Variants in STRA8 observed in about 807,000 individuals in gnomAD.
STRA8 encodes the protein stimulated by retinoic acid gene 8 protein homolog.
STRA8 carries 18 observed loss-of-function variants against 37.1 expected under a neutral mutation model. That is an observed-to-expected ratio of 0.48 (90% CI 0.34 to 0.72). The LOEUF (loss-of-function observed/expected upper bound fraction) is 0.72. Ranked by LOEUF, STRA8 falls within the 30% of genes least tolerant of loss-of-function variation. STRA8 has a pLI of 0.01. For synonymous variants in STRA8, 168 were observed against 162.9 expected (o/e 1.03, Z -0.24); for missense variants, 357 against 410.4 (o/e 0.87, Z 1.13).
chr7:135,243,496 C>T lies in STRA8; in HGVS notation c.353+86C>T. 3.2e-6 allele frequency: 4 copies of T among 1,249,568 alleles called. 1 individual carries two copies. In the South Asian group the frequency reaches 5.3e-5, roughly 16 times the overall value. The allele number at this position is 1,249,568 out of a possible 1,614,324, so 77.4% of individuals were successfully genotyped here. ...TGTCTGGTGGCAACTCACCCTTCCT[C>T]TCCAGCCTGCAGGACCATCAGGGCT... On this transcript the variant is annotated intron_variant, in intron 4 of 8. Transcript: ENST00000662584.
intron 6 of STRA8, among the ~76,000 whole-genome samples, chr7:135,249,720 A>G (rs1832612283): frequency 6.6e-6 from 1 of 152,260 alleles, no homozygotes; most frequent in Admixed American, 6.5e-5. Flanking sequence ...GCATGACAGT[A>G]TCTACCAAAT....
intron 3 of STRA8, 78 bp downstream of exon 3, chr7:135,242,934 T>C (rs987326426): frequency 2.1e-6 from 3 of 1,455,486 alleles, no homozygotes; most frequent in Non-Finnish European, 2.9e-6. Flanking sequence ...AAACAGAAGT[T>C]GGGTTACAAT....
At chr7:135,239,376 G>T (rs1188876483) in intron 1 of STRA8, among the ~76,000 whole-genome samples, 1 of 152,204 alleles carries the variant, frequency 6.6e-6, no homozygotes, top group Non-Finnish European at 1.5e-5. Flanking sequence ...GTCTCTGCAG[G>T]TGACACTAAC....
At chr7:135,231,927 A>G (rs367892829), upstream of STRA8, 34 of 1,527,216 alleles carry the variant, frequency 2.2e-5, no homozygotes, top group African/African-American at 3.3e-4. Context: ...AGCTAGTGAG[A>G]GGCCACCAGG....
chr7:135,237,884 T>G (rs1373856363), intron 1 of STRA8, among the ~76,000 whole-genome samples: 8 of 149,754 alleles, frequency 5.3e-5, no homozygotes, highest in Non-Finnish European at 1.2e-4. Flanking sequence ...AGAGCCAGAC[T>G]CCATCTCAAA....
chr7:135,242,880 C>T (rs1291180253), intron 3 of STRA8, 24 bp downstream of exon 3: 2 of 1,610,010 alleles, frequency 1.2e-6, no homozygotes, highest in East Asian at 2.2e-5. Flanking sequence ...ACTTGCCAAC[C>T]CCATCTCCCT....
chr7:135,255,154 A>G lies in STRA8; in HGVS notation c.994A>G (p.Lys332Glu), dbSNP rs1046420869. 2 of 1,613,956 alleles carry G rather than the reference A, an allele frequency of 1.2e-6. No individual in the cohort carries two copies. The highest frequency in any genetic ancestry group is 1.7e-6 in the Non-Finnish European group (2 of 1,179,950). Residue 332 changes from lysine to glutamate, a missense_variant, in exon 8 of 9, where the codon AAG becomes GAG. Physicochemically the swap from Lys to Glu is moderately conservative, Grantham distance 56 (BLOSUM62 1). Coordinates refer to ENST00000662584, the MANE Select transcript of STRA8 (RefSeq NM_001394401.1). ...CTGCAACCCAGAAAACCCAGAGGAGAAGTTTCAGCTCTATATGCAGATCAT... is the reference window on the plus strand; with the variant it reads ...CTGCAACCCAGAAAACCCAGAGGAGGAGTTTCAGCTCTATATGCAGATCAT... Reference protein sequence around the residue: ...ASCNPENPEEKFQLYMQIINF... With the variant: ...ASCNPENPEEEFQLYMQIINF...
At chr7:135,232,011 T>C (rs757031195), upstream of STRA8, 1 of 1,614,094 alleles carries the variant, frequency 6.2e-7, no homozygotes, top group South Asian at 1.1e-5. Context: ...AGATCCTCTT[T>C]TTCAATCAAG....
At chr7:135,244,308 T>C (rs1196158906) in intron 4 of STRA8, among the ~76,000 whole-genome samples, 1 of 152,248 alleles carries the variant, frequency 6.6e-6, no homozygotes, top group African/African-American at 2.4e-5. Flanking sequence ...TCTACCTGCC[T>C]TGGCCTCCCA....
At chr7:135,248,379 C>G (rs954488866) in intron 6 of STRA8, among the ~76,000 whole-genome samples, 2 of 127,032 alleles carry the variant, frequency 1.6e-5, no homozygotes, top group African/African-American at 6.1e-5. Context: ...TGATGCTTCT[C>G]AACTGAATCA....
In STRA8 at chr7:135,258,094, T is replaced by C. The variant is rs1832726645; in HGVS notation, c.1066-324T>C. On this transcript the variant is annotated intron_variant, in intron 8 of 8. Coordinates refer to ENST00000662584, the MANE Select transcript of STRA8 (RefSeq NM_001394401.1). ...AGCACCGTGGTGCAGTGCACCGTCT[T>C]CTATTGATGAGCATTTGGATAAAGC... 2.0e-5 allele frequency among the ~76,000 whole-genome samples: 3 copies of C among 152,212 alleles called. No individual in the cohort carries two copies. In the South Asian group the frequency reaches 6.2e-4, roughly 32 times the overall value.
rs1177084057 is a variant in STRA8, at chr7:135,246,318, T to A, written c.594-99T>A. ...TCAGCCCTGGTGAGCCGTGGCGCCG[T>A]GGCCGGGCCTGCGTGCTGGGGTCCA... On this transcript the variant is annotated intron_variant, in intron 5 of 8. Coordinates refer to ENST00000662584, the MANE Select transcript of STRA8 (RefSeq NM_001394401.1). The surrounding 1 kb of genome is among the most constrained non-coding windows in gnomAD (Gnocchi z 5.4). 2 of 1,494,910 alleles carry A rather than the reference T, an allele frequency of 1.3e-6. No homozygotes were observed. The allele number at this position is 1,494,910 out of a possible 1,614,324, so 92.6% of individuals were successfully genotyped here. A position where few individuals can be genotyped will look rare whatever the true frequency, so the allele number is the denominator to read the frequency against.
At chr7:135,254,818 T>C (rs775500575) in intron 7 of STRA8, among the ~76,000 whole-genome samples, 1 of 152,164 alleles carries the variant, frequency 6.6e-6, no homozygotes, top group Non-Finnish European at 1.5e-5. Flanking sequence ...GTGGGGGCAT[T>C]CTGCAGAAGA....
In STRA8 at chr7:135,241,423, A is replaced by C. The variant is rs147664600; in HGVS notation, c.192+707A>C. Among the ~76,000 whole-genome samples the C allele has an allele frequency of 1.2e-3, 177 of 152,154 alleles. 1 individual carries two copies. The highest frequency in any genetic ancestry group is 7.0e-3 in the East Asian group (36 of 5,178). On this transcript the variant is annotated intron_variant, in intron 2 of 8. Transcript: ENST00000662584. ...CACCACTAGAATCCTTGGAATCTAG[A>C]ATGTCAAATCCCAGGCTACTCTGCC...
At position 135,246,453 on chromosome 7, in the gene STRA8, G is replaced by A. The variant is rs1832555681; in HGVS notation, c.630G>A (p.Leu210=). ...LNFYKQTMDL[L]TGSGIITPQE... ...TTTACAAACAGACGATGGACCTTCT[G>A]ACTGGCAGCGGGATCATTACCCCGC... Residue 210 remains leucine (L), a synonymous_variant, in exon 6 of 9, where the codon CTG becomes CTA. Coordinates refer to ENST00000662584, the MANE Select transcript of STRA8 (RefSeq NM_001394401.1). This position sits in a 1 kb window ranked among gnomAD's most constrained non-coding sequence, Gnocchi z 5.4. The A allele has an allele frequency of 6.2e-7, 1 of 1,600,972 alleles. No homozygotes were observed.
chr7:135,231,999 C>G (rs1585461757), upstream of STRA8: 1 of 1,613,966 alleles, frequency 6.2e-7, no homozygotes, highest in East Asian at 2.2e-5. Context: ...TTGATGTGGA[C>G]AAGATCCTCT....
intron 7 of STRA8, among the ~76,000 whole-genome samples, chr7:135,254,212 C>T (rs1233699266): frequency 6.6e-6 from 1 of 152,212 alleles, no homozygotes; most frequent in Non-Finnish European, 1.5e-5. Context: ...GAGAAGCTGC[C>T]AGCCTGTCCT....
At chr7:135,256,735 G>C (rs1328532017) in intron 8 of STRA8, among the ~76,000 whole-genome samples, 1 of 152,168 alleles carries the variant, frequency 6.6e-6, no homozygotes, top group African/African-American at 2.4e-5. Context: ...AGCCTACAAG[G>C]CAGAGGTTAC....
At chr7:135,248,719 C>A (rs1832599908) in intron 6 of STRA8, among the ~76,000 whole-genome samples, 1 of 152,148 alleles carries the variant, frequency 6.6e-6, no homozygotes, top group Non-Finnish European at 1.5e-5. Flanking sequence ...ATCCCAGACA[C>A]ACTGAATCAG....
Sources: allele counts gnomAD v4.1 joint callset (sites outside exome capture counted in the v4.1 genomes callset), GRCh38; gene constraint gnomAD v4.1.1; non-coding constraint Gnocchi (gnomAD v3.1); transcripts MANE v1.5; gene names NCBI Gene and HGNC (gene_info 2026-07-23, HGNC 2026-07-21).